The following KCNAB2 variants were observed in gnomAD, a reference collection of about 807,000 sequenced individuals.
KCNAB2 encodes potassium voltage-gated channel subfamily A regulatory beta subunit 2, also known as voltage-gated potassium channel subunit beta-2.
KCNAB2 carries 29 observed loss-of-function variants against 63.6 expected under a neutral mutation model. That is an observed-to-expected ratio of 0.46 (90% CI 0.34 to 0.62). The LOEUF (loss-of-function observed/expected upper bound fraction) is 0.62, where lower values mean the gene tolerates loss of function less well. Ranked by LOEUF, KCNAB2 falls within the 20% of genes least tolerant of loss-of-function variation. KCNAB2 has a pLI of 0.01. For synonymous variants in KCNAB2, 222 were observed against 224.2 expected, an observed-to-expected ratio of 0.99 and a Z score of 0.09; for missense variants, 359 against 563.9, an observed-to-expected ratio of 0.64 and a Z score of 3.68.
At chr1:6,044,020 C>G (rs1365323430), upstream of KCNAB2, among the ~76,000 whole-genome samples, 2 of 152,220 alleles carry the variant, frequency 1.3e-5, no homozygotes, top group Non-Finnish European at 2.9e-5. Flanking sequence ...GCATGTCCTT[C>G]CCATGGCAAA....
At chr1:6,085,300 A>C in intron 6 of KCNAB2, 52 bp downstream of exon 6, 1 of 1,556,206 alleles carries the variant, frequency 6.4e-7, no homozygotes, top group Non-Finnish European at 8.9e-7. Flanking sequence ...CGGGCGAACT[A>C]TCCCAGGGTC....
rs779211095 is a variant in KCNAB2, at chr1:6,024,213, A to T, written c.-52-16304A>T. 1.3e-5 allele frequency among the ~76,000 whole-genome samples: 2 copies of T among 152,020 alleles called. No individual in the cohort carries two copies. The highest frequency in any genetic ancestry group is 2.9e-5 in the Non-Finnish European group (2 of 68,000). ...CATCTCGGCCTCCCAAAGTTCTGGG[A>T]TTACAGGCGTGAGACACCATGCCCA... On this transcript the variant is annotated intron_variant, in intron 1 of 16. Coordinates refer to the KCNAB2 transcript ENST00000341524. The surrounding 1 kb of genome is among the most constrained non-coding windows in gnomAD (Gnocchi z 5.4).
chr1:6,085,073 G>A (rs1241834068), intron 5 of KCNAB2, 131 bp from the exon 6 acceptor site: 2 of 884,368 alleles, frequency 2.3e-6, no homozygotes, highest in Non-Finnish European at 3.8e-6. Context: ...AGCCAAGGCG[G>A]GTGTTAACAG....
chr1:6,040,703 G>C, intron 2 of KCNAB2: 1 of 1,084,758 alleles, frequency 9.2e-7, no homozygotes, highest in South Asian at 1.3e-5. Flanking sequence ...CTTCGAGGAC[G>C]GGTTCCCAAG....
chr1:6,053,911 C>T (rs1661591369), intron 2 of KCNAB2, among the ~76,000 whole-genome samples: 1 of 151,894 alleles, frequency 6.6e-6, no homozygotes, highest in African/African-American at 2.4e-5. Flanking sequence ...GGCATGGTGA[C>T]ACATGCCTGT....
At chr1:6,094,511 T>A in intron 11 of KCNAB2, 26 bp downstream of exon 11, 1 of 1,585,270 alleles carries the variant, frequency 6.3e-7, no homozygotes, top group South Asian at 1.1e-5. Flanking sequence ...AGCATGTGTG[T>A]GTCCAGGCAC....
At chr1:6,040,543 A>C (rs943685277) in exon 2 of KCNAB2, 9 of 1,608,822 alleles carry the variant, frequency 5.6e-6, no homozygotes, top group Non-Finnish European at 7.7e-6. Context: ...AAAACCGAGC[A>C]AGTCTGGATA....
In KCNAB2 at chr1:6,097,516, G is replaced by A. The variant is rs1187104413; in HGVS notation, c.1158+159G>A. ...GTGCTCCTGGAGAGCTTGCTTTCCA[G>A]CAGGAACAGACATGAACACTAACTG... On this transcript the variant is annotated intron_variant, in intron 15 of 15. Transcript: ENST00000378083. 5 of 1,328,776 alleles carry A rather than the reference G, an allele frequency of 3.8e-6. No homozygotes were observed. The East Asian group carries it at 1.3e-4, about 33-fold the overall frequency. 82.3% of individuals were successfully genotyped at this position (1,328,776 alleles called of 1,614,324 possible). A position where few individuals can be genotyped will look rare whatever the true frequency, so the allele number is the denominator to read the frequency against.
At chr1:6,060,353 C>A (rs1662205612) in intron 2 of KCNAB2, among the ~76,000 whole-genome samples, 1 of 152,220 alleles carries the variant, frequency 6.6e-6, no homozygotes, top group Non-Finnish European at 1.5e-5. Flanking sequence ...CAGCACTTAG[C>A]CCCTATGGGG....
rs1168482516 is a variant in KCNAB2 at position 6,060,897 on chromosome 1, G to A, written c.218+9143G>A. On this transcript the variant is annotated intron_variant, in intron 2 of 15. Transcript: ENST00000378083. ...CAGCCTGGCAACAGAGCAAGACTCC[G>A]TCTCAAAAAAAAAAAAAAAAAAAAA... Among the ~76,000 whole-genome samples the A allele has an allele frequency of 3.4e-4, 35 of 102,114 alleles. 1 individual carries two copies. Among genetic ancestry groups the A allele is most frequent in the South Asian group, 3.3e-4 (1 of 3,066 alleles). 67.0% of individuals were successfully genotyped at this position (102,114 alleles called of 152,430 possible).
intron 1 of KCNAB2, among the ~76,000 whole-genome samples, chr1:6,022,855 A>C (rs1658924788): frequency 1.4e-5 from 2 of 143,610 alleles, no homozygotes. Flanking sequence ...GTTCCCTTGC[A>C]TGTGTGTGCC....
At chr1:6,051,937 A>G (rs1391733270) in intron 2 of KCNAB2, among the ~76,000 whole-genome samples, 183 bp downstream of exon 2, 1 of 151,828 alleles carries the variant, frequency 6.6e-6, no homozygotes, top group Non-Finnish European at 1.5e-5. Flanking sequence ...AACACCACCT[A>G]CTAAAAATAC....
intron 4 of KCNAB2, among the ~76,000 whole-genome samples, chr1:6,079,123 C>A (rs1019188119): frequency 1.3e-5 from 2 of 152,166 alleles, no homozygotes; most frequent in Non-Finnish European, 2.9e-5. Context: ...CACAGGTGAG[C>A]GAGACCTCCC....
chr1:6,042,836 A>ACC (rs1557442488), upstream of KCNAB2, among the ~76,000 whole-genome samples: 45 of 11,858 alleles, frequency 3.8e-3, no homozygotes, highest in African/African-American at 5.2e-3. Context: ...CCGCGCCCCC[A>ACC]CTCCCCACCC....
chr1:5,993,321 C>T (rs923931460), intron 1 of KCNAB2, among the ~76,000 whole-genome samples: 6 of 151,996 alleles, frequency 3.9e-5, no homozygotes, highest in Admixed American at 6.5e-5. Context: ...TGCCCCCAGC[C>T]CCTCCGACCT....
chr1:6,085,725 G>C (rs1481228789), intron 6 of KCNAB2: 4 of 622,498 alleles, frequency 6.4e-6, no homozygotes, highest in African/African-American at 6.0e-5. Flanking sequence ...ATCCCACCCT[G>C]CACCTTGTCC....
At chr1:6,088,364 C>T (rs1264233110) in intron 7 of KCNAB2, among the ~76,000 whole-genome samples, 2 of 151,882 alleles carry the variant, frequency 1.3e-5, no homozygotes, top group Non-Finnish European at 2.9e-5. Flanking sequence ...GCTGGTTCTA[C>T]AGGCACATGC....
intron 1 of KCNAB2, among the ~76,000 whole-genome samples, chr1:6,026,648 C>T (rs1012872686): frequency 1.3e-5 from 2 of 152,256 alleles, no homozygotes; most frequent in East Asian, 1.9e-4. Context: ...CCCTGCCCAA[C>T]GCAGCCCGGC....
intron 2 of KCNAB2, among the ~76,000 whole-genome samples, chr1:6,063,529 C>A (rs1370912234): frequency 1.3e-5 from 2 of 151,952 alleles, no homozygotes; most frequent in Non-Finnish European, 2.9e-5. Context: ...CCTGCCTCAG[C>A]CTCCCGAGTA....
Sources: allele counts gnomAD v4.1 joint callset (sites outside exome capture counted in the v4.1 genomes callset), GRCh38; gene constraint gnomAD v4.1.1; non-coding constraint Gnocchi (gnomAD v3.1); transcripts MANE v1.5; gene names NCBI Gene and HGNC (gene_info 2026-07-23, HGNC 2026-07-21).